The following HERPUD2 variants were observed in gnomAD, a reference collection of about 807,000 sequenced individuals.
The protein encoded by HERPUD2 is HERPUD family member 2, also known as homocysteine-responsive endoplasmic reticulum-resident ubiquitin-like domain member 2 protein.
In HERPUD2, 13 loss-of-function variants were observed where a neutral mutation model predicts 49.9. The ratio of observed to expected loss-of-function variants is 0.26; its 90% confidence interval spans 0.17 to 0.41. The LOEUF is 0.41. Ranked by LOEUF, HERPUD2 falls within the 10% of genes least tolerant of loss-of-function variation. HERPUD2 has a pLI of 1.00. For synonymous variants in HERPUD2, 172 were observed against 171.4 expected, an observed-to-expected ratio of 1.00 and a Z score of -0.03; for missense variants, 449 against 492.2, an observed-to-expected ratio of 0.91 and a Z score of 0.83.
chr7:35,686,740 AAAAAAC>A lies in HERPUD2; in HGVS notation c.147+7438_147+7443del, dbSNP rs1442503829. On this transcript the variant is annotated intron_variant, in intron 2 of 8. Coordinates refer to ENST00000311350, the MANE Select transcript of HERPUD2 (RefSeq NM_022373.5). ...TCTCAAAAAAAAAAAAAAAAAAAAA[AAAAAAC>A]CAAACCCATTTCCAGGCCAGGGGTG... Among the ~76,000 whole-genome samples, 87 of 108,698 alleles carry A rather than the reference AAAAAAC, an allele frequency of 8.0e-4. 5 individuals carry two copies. Among genetic ancestry groups the A allele is most frequent in the African/African-American group, 3.3e-3 (83 of 24,844 alleles). The allele number at this position is 108,698 out of a possible 152,430, so 71.3% of individuals were successfully genotyped here.
intron 2 of HERPUD2, among the ~76,000 whole-genome samples, chr7:35,681,339 C>T (rs902116222): frequency 1.3e-5 from 2 of 152,086 alleles, no homozygotes; most frequent in African/African-American, 4.8e-5. Context: ...TGTAGAGAAA[C>T]TAGACCCTTC....
chr7:35,653,522 GAA>G (rs70974758), intron 5 of HERPUD2, among the ~76,000 whole-genome samples: 26,465 of 151,988 alleles, frequency 0.17, 2,585 homozygotes, highest in East Asian at 0.3. Flanking sequence ...ATCATCTAGA[GAA>G]ACACTGGATT....
intron 2 of HERPUD2, among the ~76,000 whole-genome samples, chr7:35,690,980 T>C (rs944146821): frequency 3.3e-5 from 5 of 152,222 alleles, no homozygotes; most frequent in Admixed American, 3.3e-4. Flanking sequence ...CCTTCCTGTG[T>C]TCCTATGCAA....
At chr7:35,671,179 T>C (rs1023013603) in intron 3 of HERPUD2, among the ~76,000 whole-genome samples, 1 of 152,120 alleles carries the variant, frequency 6.6e-6, no homozygotes, top group Non-Finnish European at 1.5e-5. Context: ...CATGAACCTA[T>C]AATTGTGCTT....
chr7:35,680,048 T>C (rs192980974), intron 2 of HERPUD2, among the ~76,000 whole-genome samples: 1 of 152,340 alleles, frequency 6.6e-6, no homozygotes, highest in East Asian at 1.9e-4. Flanking sequence ...CCTGGGCATC[T>C]GCAATAGTCT....
At chr7:35,691,399 C>A (rs1786183753) in intron 2 of HERPUD2, among the ~76,000 whole-genome samples, 1 of 151,994 alleles carries the variant, frequency 6.6e-6, no homozygotes, top group Admixed American at 6.6e-5. Flanking sequence ...CTCAAATTTC[C>A]ATTCTTTCCC....
chr7:35,660,430 C>T (rs1420769804), intron 5 of HERPUD2, among the ~76,000 whole-genome samples: 1 of 152,130 alleles, frequency 6.6e-6, no homozygotes, highest in African/African-American at 2.4e-5. Flanking sequence ...ATTTCTAGTT[C>T]TAGATCCTTG....
intron 2 of HERPUD2, among the ~76,000 whole-genome samples, chr7:35,691,965 C>T (rs980807153): frequency 6.6e-6 from 1 of 152,290 alleles, no homozygotes; most frequent in Non-Finnish European, 1.5e-5. Flanking sequence ...CACATACCCC[C>T]ACCGCTCCAG....
chr7:35,686,834 G>C (rs796887802), intron 2 of HERPUD2, among the ~76,000 whole-genome samples: 1 of 74,634 alleles, frequency 1.3e-5, no homozygotes, highest in African/African-American at 5.9e-5. Flanking sequence ...GGGGGGTGGG[G>C]GGGGGCGCGA....
At chr7:35,670,374 T>C in intron 3 of HERPUD2, 46 bp from the exon 4 acceptor site, 1 of 924,336 alleles carries the variant, frequency 1.1e-6, no homozygotes, top group Non-Finnish European at 1.6e-6. Context: ...CTACAAAATG[T>C]ACAGTTCAAA....
chr7:35,689,612 A>C (rs1205702249), intron 2 of HERPUD2, among the ~76,000 whole-genome samples: 1 of 152,210 alleles, frequency 6.6e-6, no homozygotes, highest in Non-Finnish European at 1.5e-5. Flanking sequence ...AACAGAACCT[A>C]TATATACAAT....
At chr7:35,646,029 A>C (rs781593014) in intron 5 of HERPUD2, among the ~76,000 whole-genome samples, 2 of 151,996 alleles carry the variant, frequency 1.3e-5, no homozygotes, top group African/African-American at 4.8e-5. Flanking sequence ...TGTGTTCCTA[A>C]GAATAGGGAA....
chr7:35,641,933 G>A (rs1784973228), intron 5 of HERPUD2, among the ~76,000 whole-genome samples: 1 of 152,152 alleles, frequency 6.6e-6, no homozygotes, highest in South Asian at 2.1e-4. Flanking sequence ...AGATGCCAAA[G>A]CAATTGCAAC....
intron 5 of HERPUD2, among the ~76,000 whole-genome samples, chr7:35,657,603 CAAAA>C (rs34292182): frequency 1.8e-5 from 1 of 57,090 alleles, no homozygotes. Context: ...GACCTTCTCT[CAAAA>C]AAAAAAAAAA....
At chr7:35,635,688 T>C (rs977953860) in intron 6 of HERPUD2, among the ~76,000 whole-genome samples, 1 of 152,204 alleles carries the variant, frequency 6.6e-6, no homozygotes, top group East Asian at 1.9e-4. Context: ...TATTGTAAGA[T>C]GACAGGGGAA....
intron 2 of HERPUD2, among the ~76,000 whole-genome samples, chr7:35,692,444 C>G (rs1330476786): frequency 6.6e-6 from 1 of 152,202 alleles, no homozygotes; most frequent in Non-Finnish European, 1.5e-5. Flanking sequence ...TTATGGAAGT[C>G]TATGACTTTC....
chr7:35,681,596 G>A (rs1166958212), intron 2 of HERPUD2, among the ~76,000 whole-genome samples: 1 of 152,090 alleles, frequency 6.6e-6, no homozygotes, highest in African/African-American at 2.4e-5. Flanking sequence ...GCTGACAAAT[G>A]GGTAAACAAA....
chr7:35,693,595 A>G (rs1341139470), intron 2 of HERPUD2, among the ~76,000 whole-genome samples: 1 of 151,458 alleles, frequency 6.6e-6, no homozygotes, highest in African/African-American at 2.4e-5. Context: ...TCACTCGCAT[A>G]TTAGGTTGAT....
At position 35,665,516 on chromosome 7, in the gene HERPUD2, C is replaced by T. The variant is rs117129035; in HGVS notation, c.494+1918G>A. 6.8e-3 allele frequency among the ~76,000 whole-genome samples: 1,035 copies of T among 152,340 alleles called. 9 individuals carry two copies. The highest frequency in any genetic ancestry group is 0.017 in the Middle Eastern group (5 of 294). Reference sequence around the variant, plus strand: ...TCCCGATTTTCCAGGTGCAGTCTCTCACGGCTTCCCTTTTGTAGTAAAGGG... The same window carrying T: ...TCCCGATTTTCCAGGTGCAGTCTCTTACGGCTTCCCTTTTGTAGTAAAGGG... On this transcript the variant is annotated intron_variant, in intron 5 of 8. Transcript: ENST00000311350.
Sources: gnomAD v4.1 joint callset for allele counts (sites outside exome capture counted in the v4.1 genomes callset) on GRCh38, gnomAD v4.1.1 for gene constraint, MANE v1.5 for transcripts, NCBI Gene and HGNC (gene_info 2026-07-23, HGNC 2026-07-21) for gene names.